Variants in NSUN4 observed in about 807,000 individuals in gnomAD.
NSUN4 encodes 5-cytosine rRNA methyltransferase NSUN4.
NSUN4 carries 31 observed loss-of-function variants against 43.8 expected under a neutral mutation model. That is an observed-to-expected ratio of 0.71 (90% CI 0.53 to 0.96). The LOEUF is 0.96. Among genes scored for constraint, NSUN4 ranks in the 40% least tolerant of loss-of-function variants. NSUN4 has a pLI of 0.00. For missense variants in NSUN4, 439 were observed against 475.6 expected (o/e 0.92, Z 0.72); for synonymous variants, 167 against 184.1 (o/e 0.91, Z 0.75).
At chr1:46,372,440 G>A in the NSUN4 span, among the ~76,000 whole-genome samples, 5 of 152,086 alleles carry the variant, frequency 3.3e-5, no homozygotes, top group Admixed American at 1.3e-4. Context: ...ACTGCACCTG[G>A]CCGCCTTTTT....
downstream of NSUN4, among the ~76,000 whole-genome samples, chr1:46,366,795 T>C (rs748326501): frequency 6.7e-6 from 1 of 149,564 alleles, no homozygotes; most frequent in Non-Finnish European, 1.5e-5. Context: ...GGAGGGATCA[T>C]ATTGAGAGAC....
intron 4 of NSUN4, among the ~76,000 whole-genome samples, chr1:46,358,258 G>A (rs1663530569): frequency 6.6e-6 from 1 of 151,942 alleles, no homozygotes; most frequent in Admixed American, 6.6e-5. Flanking sequence ...ACTGTGCCCG[G>A]CTAATTTTTG....
chr1:46,366,705 A>AG (rs1009599819), downstream of NSUN4, among the ~76,000 whole-genome samples: 1 of 61,562 alleles, frequency 1.6e-5, no homozygotes, highest in Non-Finnish European at 3.4e-5. Flanking sequence ...CTAAAAATAC[A>AG]AAAAAAAAAA....
intron 2 of NSUN4, among the ~76,000 whole-genome samples, chr1:46,346,490 T>G (rs988736256): frequency 1.4e-5 from 2 of 144,318 alleles, no homozygotes; most frequent in African/African-American, 5.2e-5. Context: ...AGGCAGAGGT[T>G]GCAGTGAGCC....
At chr1:46,343,921 C>T in intron 1 of NSUN4, 1 of 398,446 alleles carries the variant, frequency 2.5e-6, no homozygotes, top group Non-Finnish European at 4.4e-6. Context: ...AGTCACAGAG[C>T]AAGAGTCCTC....
intron 1 of NSUN4, chr1:46,341,206 C>T: frequency 3.4e-6 from 4 of 1,172,654 alleles, no homozygotes; most frequent in Non-Finnish European, 4.2e-6. Flanking sequence ...TGTTCCCCAG[C>T]TGTGTCCACC....
intron 3 of NSUN4, among the ~76,000 whole-genome samples, chr1:46,349,908 AAAG>A (rs1361917869): frequency 6.6e-5 from 10 of 152,224 alleles, no homozygotes; most frequent in Admixed American, 5.2e-4. Flanking sequence ...GAAGAAGGGC[AAAG>A]AAGAAGTAAT....
chr1:46,345,471 A>C, intron 2 of NSUN4: 1 of 234,368 alleles, frequency 4.3e-6, no homozygotes. Context: ...CTTTGAACCC[A>C]CTCTGCTCTG....
chr1:46,367,189 C>A (rs1041449587), downstream of NSUN4, among the ~76,000 whole-genome samples: 2 of 152,128 alleles, frequency 1.3e-5, no homozygotes, highest in Non-Finnish European at 2.9e-5. Context: ...ACCACTCTCA[C>A]CCCTGCCAAT....
intron 4 of NSUN4, among the ~76,000 whole-genome samples, chr1:46,360,228 C>CAAAAAAAAAAAA (rs1240539714): frequency 8.6e-5 from 3 of 35,024 alleles, no homozygotes; most frequent in African/African-American, 1.7e-4. Context: ...GACTCCATCT[C>CAAAAAAAAAAAA]AAAAAAAAAA....
At chr1:46,373,320 T>A in the NSUN4 span, among the ~76,000 whole-genome samples, 6 of 152,372 alleles carry the variant, frequency 3.9e-5, no homozygotes, top group Non-Finnish European at 7.3e-5. Flanking sequence ...GCTTCCGCAT[T>A]TTCAGGTGTT....
chr1:46,361,633 C>T lies in NSUN4; in HGVS notation c.942C>T (p.His314=). ...TCTATTCTACCTGCTCACTCTCACA[C>T]TTACAGAACGAGTATGTGGTGCAAG... ...HVVYSTCSLS[H]LQNEYVVQGA... is the part of the protein sequence containing the mutation. Residue 314 remains histidine (H), a synonymous_variant, in exon 6 of 6, where the codon CAC becomes CAT. Coordinates refer to ENST00000474844, the MANE Select transcript of NSUN4 (RefSeq NM_199044.4). The T allele has an allele frequency of 2.5e-6, 4 of 1,614,212 alleles. No individual in the cohort carries two copies. The highest frequency in any genetic ancestry group is 3.4e-6 in the Non-Finnish European group (4 of 1,180,026).
chr1:46,371,730 G>A, the NSUN4 span, among the ~76,000 whole-genome samples: 1 of 152,040 alleles, frequency 6.6e-6, no homozygotes, highest in African/African-American at 2.4e-5. Flanking sequence ...GTGAGCCACC[G>A]CGCCTGACCA....
At chr1:46,379,486 G>A in the NSUN4 span, among the ~76,000 whole-genome samples, 1 of 152,056 alleles carries the variant, frequency 6.6e-6, no homozygotes, top group African/African-American at 2.4e-5. Flanking sequence ...GTGGTGGTGC[G>A]TGCCCATAGT....
chr1:46,364,499 G>A lies in NSUN4; in HGVS notation c.*2653G>A, dbSNP rs556136239. The A allele has an allele frequency of 2.0e-4, 31 of 152,312 alleles. No individual in the cohort carries two copies. The South Asian group carries it at 5.4e-3, about 26-fold the overall frequency. 9.4% of individuals were successfully genotyped at this position (152,312 alleles called of 1,614,324 possible). A position where few individuals can be genotyped will look rare whatever the true frequency, so the allele number is the denominator to read the frequency against. ...GTTCAAGACCAGCCTGGCCAACGTGGTGAAACCCCATCTCTATAAAAGTAC... is the reference window on the plus strand; with the variant it reads ...GTTCAAGACCAGCCTGGCCAACGTGATGAAACCCCATCTCTATAAAAGTAC... On this transcript the variant is annotated 3_prime_UTR_variant, in exon 6 of 6. Transcript: ENST00000474844.
intron 4 of NSUN4, among the ~76,000 whole-genome samples, chr1:46,358,315 C>T (rs1281969169): frequency 2.0e-5 from 3 of 151,718 alleles, no homozygotes; most frequent in African/African-American, 7.3e-5. Flanking sequence ...AGGCTGGTCT[C>T]GAACTCCTTA....
At chr1:46,377,518 C>T in the NSUN4 span, among the ~76,000 whole-genome samples, 5 of 152,140 alleles carry the variant, frequency 3.3e-5, no homozygotes, top group Admixed American at 2.6e-4. Flanking sequence ...AACTGGTTTG[C>T]CACCCAGGAG....
At chr1:46,345,885 C>G (rs976400402) in intron 2 of NSUN4, among the ~76,000 whole-genome samples, 1 of 152,106 alleles carries the variant, frequency 6.6e-6, no homozygotes, top group Non-Finnish European at 1.5e-5. Flanking sequence ...TGTGGTGGCT[C>G]ACGCCTTTAA....
intron 4 of NSUN4, among the ~76,000 whole-genome samples, chr1:46,357,733 T>C (rs1663485281): frequency 6.6e-6 from 1 of 152,154 alleles, no homozygotes; most frequent in African/African-American, 2.4e-5. Context: ...TTTTAAAGGA[T>C]TGCAGTTATA....
Sources: allele counts gnomAD v4.1 joint callset (sites outside exome capture counted in the v4.1 genomes callset), GRCh38; gene constraint gnomAD v4.1.1; transcripts MANE v1.5; gene names NCBI Gene and HGNC (gene_info 2026-07-23, HGNC 2026-07-21).